Variants in LRRC20 observed in about 807,000 individuals in gnomAD.
The protein encoded by LRRC20 is leucine-rich repeat-containing protein 20.
LRRC20 carries 11 observed loss-of-function variants against 14.4 expected under a neutral mutation model. The ratio of observed to expected loss-of-function variants is 0.77; its 90% CI spans 0.48 to 1.27. The LOEUF is 1.27. Ranked by LOEUF, LRRC20 falls within the 50% of genes most tolerant of loss-of-function variation. LRRC20 has a pLI of 0.00. For missense variants in LRRC20, 219 were observed against 251.2 expected (o/e 0.87, Z 0.87); for synonymous variants, 121 against 107.3 (o/e 1.13, Z -0.79).
chr10:70,364,151 G>T (rs1843871898), intron 2 of LRRC20, among the ~76,000 whole-genome samples: 1 of 152,202 alleles, frequency 6.6e-6, no homozygotes, highest in South Asian at 2.1e-4. Flanking sequence ...GGACTCGCCA[G>T]GCCAGGAAAC....
intron 2 of LRRC20, among the ~76,000 whole-genome samples, chr10:70,344,415 G>C (rs1843009393): frequency 6.6e-6 from 1 of 151,794 alleles, no homozygotes; most frequent in East Asian, 1.9e-4. Context: ...GCATGCAAAA[G>C]GCAATGATAT....
chr10:70,324,269 T>C (rs1842229138), intron 3 of LRRC20, among the ~76,000 whole-genome samples: 3 of 152,202 alleles, frequency 2.0e-5, no homozygotes, highest in Non-Finnish European at 4.4e-5. Context: ...TGCCTGCTGC[T>C]GACTTTGGAA....
chr10:70,344,913 G>A (rs1248060925), intron 2 of LRRC20, among the ~76,000 whole-genome samples: 1 of 152,118 alleles, frequency 6.6e-6, no homozygotes, highest in Non-Finnish European at 1.5e-5. Flanking sequence ...GATATAACAT[G>A]TCCATTGATG....
intron 3 of LRRC20, among the ~76,000 whole-genome samples, chr10:70,337,785 C>T (rs1456344016): frequency 6.6e-6 from 1 of 152,176 alleles, no homozygotes; most frequent in Non-Finnish European, 1.5e-5. Flanking sequence ...GTCCTGCAAC[C>T]CTGGTCTCCT....
chr10:70,376,421 G>A, intron 2 of LRRC20, 31 bp downstream of exon 2: 2 of 1,607,944 alleles, frequency 1.2e-6, no homozygotes, highest in Non-Finnish European at 1.7e-6. Context: ...CTGCTTCCAG[G>A]GAAGTTGGGA....
At chr10:70,339,983 T>C (rs1454282609) in intron 3 of LRRC20, among the ~76,000 whole-genome samples, 1 of 151,762 alleles carries the variant, frequency 6.6e-6, no homozygotes, top group Non-Finnish European at 1.5e-5. Flanking sequence ...GACCCAGGTG[T>C]GGTGGCACAC....
rs147905037 is a variant in LRRC20, at chr10:70,316,100, C to A, written c.400+7763G>T. ...AGTGGCAGTAAATGGAGCCTGGAAG[C>A]CTTTTGTTGCGTTTTATTTTTTAAT... is the stretch of plus-strand genomic sequence containing the variant. On this transcript the variant is annotated intron_variant, in intron 4 of 4. Coordinates refer to ENST00000446961, the MANE Select transcript of LRRC20 (RefSeq NM_001278212.2). Among the ~76,000 whole-genome samples, 332 of 152,134 alleles carry A rather than the reference C, an allele frequency of 2.2e-3. 13 individuals carry two copies. The South Asian group carries it at 0.059, about 27-fold the overall frequency.
chr10:70,308,324 G>A (rs926533500), intron 4 of LRRC20, among the ~76,000 whole-genome samples: 2 of 152,164 alleles, frequency 1.3e-5, no homozygotes, highest in South Asian at 2.1e-4. Flanking sequence ...GGGTCACCCA[G>A]CCAGTGGGTA....
At chr10:70,371,286 T>C (rs1844257226) in intron 2 of LRRC20, among the ~76,000 whole-genome samples, 1 of 152,080 alleles carries the variant, frequency 6.6e-6, no homozygotes, top group South Asian at 2.1e-4. Flanking sequence ...TACAGGTGTG[T>C]GCCACTGCAC....
chr10:70,335,432 G>A (rs925950811), intron 3 of LRRC20, among the ~76,000 whole-genome samples: 1 of 152,146 alleles, frequency 6.6e-6, no homozygotes, highest in Non-Finnish European at 1.5e-5. Flanking sequence ...AACCAAAGCC[G>A]CTCCCCTGCC....
chr10:70,352,481 A>G (rs1843348688), intron 2 of LRRC20, among the ~76,000 whole-genome samples: 1 of 152,246 alleles, frequency 6.6e-6, no homozygotes, highest in South Asian at 2.1e-4. Flanking sequence ...TCAGGCGGTG[A>G]AAGTGACATG....
chr10:70,304,470 T>TTTTATATATATATATATATATATATA, intron 4 of LRRC20, among the ~76,000 whole-genome samples: 1 of 113,824 alleles, frequency 8.8e-6, no homozygotes, highest in South Asian at 2.8e-4. Context: ...GGCCACTTCT[T>TTTTATATATATATATATATATATATA]TATATATATA....
intron 2 of LRRC20, among the ~76,000 whole-genome samples, chr10:70,344,197 C>G (rs1843003008): frequency 6.6e-6 from 1 of 151,030 alleles, no homozygotes; most frequent in Non-Finnish European, 1.5e-5. Context: ...GAGACCTTGT[C>G]TGAAAAAAAG....
chr10:70,310,072 C>T (rs978549446), intron 4 of LRRC20, among the ~76,000 whole-genome samples: 23 of 152,326 alleles, frequency 1.5e-4, no homozygotes, highest in African/African-American at 5.3e-4. Context: ...CTAATTTAAC[C>T]GCAAAAGTCA....
intron 2 of LRRC20, among the ~76,000 whole-genome samples, chr10:70,364,387 T>A: frequency 6.6e-6 from 1 of 152,216 alleles, no homozygotes; most frequent in Non-Finnish European, 1.5e-5. Context: ...TGCATTGCCC[T>A]CCAGGCAGGG....
intron 4 of LRRC20, among the ~76,000 whole-genome samples, chr10:70,313,142 C>T (rs1490502018): frequency 6.6e-6 from 1 of 152,216 alleles, no homozygotes; most frequent in Non-Finnish European, 1.5e-5. Context: ...TTCTTACTGG[C>T]CACTCTGGAG....
chr10:70,305,193 A>C (rs1234653040), intron 4 of LRRC20, among the ~76,000 whole-genome samples: 1 of 152,200 alleles, frequency 6.6e-6, no homozygotes, highest in African/African-American at 2.4e-5. Context: ...TAAATAAATA[A>C]ATAATAAAAA....
chr10:70,337,764 G>A (rs962027851), intron 3 of LRRC20, among the ~76,000 whole-genome samples: 12 of 152,214 alleles, frequency 7.9e-5, no homozygotes, highest in African/African-American at 2.9e-4. Flanking sequence ...ACTGGGTGGT[G>A]AGGACAATGT....
intron 1 of LRRC20, among the ~76,000 whole-genome samples, chr10:70,378,320 G>A (rs569632760): frequency 6.6e-6 from 1 of 152,190 alleles, no homozygotes; most frequent in Admixed American, 6.5e-5. Context: ...CTTAGCACAA[G>A]TCACCTGGAT....
Sources: allele counts gnomAD v4.1 joint callset (sites outside exome capture counted in the v4.1 genomes callset), GRCh38; gene constraint gnomAD v4.1.1; transcripts MANE v1.5; gene names NCBI Gene and HGNC (gene_info 2026-07-23, HGNC 2026-07-21).